The following SPHKAP variants were observed in gnomAD, a reference collection of about 807,000 sequenced individuals.
The protein encoded by SPHKAP is A-kinase anchor protein SPHKAP.
In SPHKAP, 67 loss-of-function variants were observed where a neutral mutation model predicts 137.5. The ratio of observed to expected loss-of-function variants is 0.49; its 90% CI spans 0.40 to 0.60. The LOEUF is 0.60. Among genes scored for constraint, SPHKAP ranks in the 20% least tolerant of loss-of-function variants. The probability of loss-of-function intolerance (pLI) is 0.00; values close to 1 mark genes in which losing one functional copy is unlikely to be tolerated. For synonymous variants in SPHKAP, 813 were observed against 785.3 expected (o/e 1.04, Z -0.59); for missense variants, 2,097 against 2,069.3 (o/e 1.01, Z -0.26).
intron 3 of SPHKAP, among the ~76,000 whole-genome samples, chr2:228,100,624 G>A (rs1309559302): frequency 6.7e-6 from 1 of 149,706 alleles, no homozygotes. Context: ...TTTTAATTCT[G>A]TTTATGTGGT....
At chr2:228,039,286 CT>C (rs1258134022) in intron 3 of SPHKAP, among the ~76,000 whole-genome samples, 1 of 152,196 alleles carries the variant, frequency 6.6e-6, no homozygotes, top group African/African-American at 2.4e-5. Flanking sequence ...CACTCTAATG[CT>C]GCTCTTCTAT....
intron 7 of SPHKAP, among the ~76,000 whole-genome samples, chr2:228,004,421 T>G (rs926972889): frequency 6.6e-6 from 1 of 152,212 alleles, no homozygotes; most frequent in Non-Finnish European, 1.5e-5. Flanking sequence ...CCTTTATCAT[T>G]TTTTATTATG....
At chr2:228,080,707 C>CAAAATAAAAT (rs57442116) in intron 3 of SPHKAP, among the ~76,000 whole-genome samples, 7 of 134,204 alleles carry the variant, frequency 5.2e-5, no homozygotes, top group Non-Finnish European at 7.9e-5. Context: ...AACTCTGTCT[C>CAAAATAAAAT]AAAATAAAAT....
chr2:228,160,140 T>C (rs1018368216), intron 1 of SPHKAP, among the ~76,000 whole-genome samples: 5 of 152,206 alleles, frequency 3.3e-5, no homozygotes, highest in Admixed American at 6.5e-5. Flanking sequence ...TGAGAATTGA[T>C]GCTGTCAGTG....
chr2:227,981,939 C>A, intron 11 of SPHKAP, 79 bp from the exon 12 acceptor site: 1 of 1,500,198 alleles, frequency 6.7e-7, no homozygotes, highest in Non-Finnish European at 8.9e-7. Flanking sequence ...CCTCGCGAAG[C>A]CAATGGCTCT....
intron 2 of SPHKAP, among the ~76,000 whole-genome samples, chr2:228,117,778 G>A (rs1244133949): frequency 1.3e-5 from 2 of 151,104 alleles, no homozygotes; most frequent in African/African-American, 2.4e-5. Flanking sequence ...TTTAGTTAAA[G>A]GTATCCTAAG....
chr2:228,133,644 C>T (rs1699337082), intron 1 of SPHKAP, among the ~76,000 whole-genome samples: 1 of 152,100 alleles, frequency 6.6e-6, no homozygotes, highest in South Asian at 2.1e-4. Flanking sequence ...ATTTTCAATG[C>T]AACATGTAGA....
rs1186675947 is a variant in SPHKAP, at chr2:228,016,632, A to G, written c.4222T>C (p.Cys1408Arg). ...TGGTTTATTGGTACAGGGTCCTGGC[A>G]CGAGGAAGTTTCTTTTTTAGAATCT... is the stretch of plus-strand genomic sequence containing the variant. ...PLDSKKETSS[C>R]QDPVPINHKR... Residue 1408 changes from cysteine to arginine, a missense_variant, in exon 7 of 12, where the codon TGC becomes CGC. Cys to Arg is a radical substitution (Grantham distance 180). Coordinates refer to ENST00000392056, the MANE Select transcript of SPHKAP (RefSeq NM_001142644.2). The G allele has an allele frequency of 6.2e-7, 1 of 1,613,740 alleles. No individual in the cohort carries two copies. Among genetic ancestry groups the G allele is most frequent in the Non-Finnish European group, 8.5e-7 (1 of 1,179,938 alleles).
intron 1 of SPHKAP, among the ~76,000 whole-genome samples, chr2:228,155,647 G>T (rs1444093845): frequency 1.3e-5 from 2 of 152,146 alleles, no homozygotes; most frequent in East Asian, 3.9e-4. Flanking sequence ...GGTTTATGCT[G>T]TTGCCTCATT....
chr2:228,134,532 C>T (rs907672623), intron 1 of SPHKAP, among the ~76,000 whole-genome samples: 16 of 152,222 alleles, frequency 1.1e-4, no homozygotes, highest in Non-Finnish European at 2.1e-4. Context: ...CTGCCACTTA[C>T]TTACCCAAGC....
At chr2:228,149,372 G>A (rs1366583242) in intron 1 of SPHKAP, among the ~76,000 whole-genome samples, 4 of 152,148 alleles carry the variant, frequency 2.6e-5, no homozygotes, top group South Asian at 2.1e-4. Context: ...GTATATAGAA[G>A]CAAGAAGTGA....
chr2:228,163,633 C>T lies in SPHKAP; in HGVS notation c.32+17934G>A, dbSNP rs547657675. Among the ~76,000 whole-genome samples, 17 of 152,244 alleles carry T rather than the reference C, an allele frequency of 1.1e-4. No homozygotes were observed. The East Asian group carries it at 2.9e-3, about 26-fold the overall frequency. ...GTGTTTGCAGGTGTGGGCAGTATTTCCACCTCCCTTGCTATGTGCTGTTGA... is the reference window on the plus strand; with the variant it reads ...GTGTTTGCAGGTGTGGGCAGTATTTTCACCTCCCTTGCTATGTGCTGTTGA... On this transcript the variant is annotated intron_variant, in intron 1 of 11. Coordinates refer to ENST00000392056, the MANE Select transcript of SPHKAP (RefSeq NM_001142644.2).
At chr2:228,100,539 G>T (rs1373008566) in intron 3 of SPHKAP, among the ~76,000 whole-genome samples, 2 of 152,058 alleles carry the variant, frequency 1.3e-5, no homozygotes, top group Non-Finnish European at 1.5e-5. Flanking sequence ...TTTGTTGAGG[G>T]TTTTTATCAG....
At chr2:228,029,623 A>C (rs34284590) in intron 3 of SPHKAP, among the ~76,000 whole-genome samples, 58,475 of 151,974 alleles carry the variant, frequency 0.38, 11,722 homozygotes, top group South Asian at 0.51. Flanking sequence ...AATAGGAAGA[A>C]ATTGGCATGA....
intron 2 of SPHKAP, among the ~76,000 whole-genome samples, chr2:228,116,510 C>A (rs567417795): frequency 6.6e-6 from 1 of 152,106 alleles, no homozygotes; most frequent in African/African-American, 2.4e-5. Flanking sequence ...TCACAAAGAG[C>A]AGCTATTGTT....
rs769703965 is a variant in SPHKAP at position 227,981,560 on chromosome 2, A to T, written c.*157T>A. On this transcript the variant is annotated 3_prime_UTR_variant, in exon 12 of 12. Coordinates refer to ENST00000392056, the MANE Select transcript of SPHKAP (RefSeq NM_001142644.2). ...AGACCTATATTTTGCTTTTCCTCTG[A>T]CTTATTCTGTATGCAGTGGATCTGA... 6.3e-6 allele frequency: 6 copies of T among 953,786 alleles called. No individual in the cohort carries two copies. The Admixed American group carries it at 1.4e-4, about 22-fold the overall frequency. The allele number at this position is 953,786 out of a possible 1,614,324, so 59.1% of individuals were successfully genotyped here.
intron 1 of SPHKAP, among the ~76,000 whole-genome samples, chr2:228,147,655 T>C (rs566997463): frequency 1.3e-5 from 2 of 152,314 alleles, no homozygotes; most frequent in East Asian, 3.9e-4. Flanking sequence ...AGGTTCCTCA[T>C]CTGTGAAATG....
chr2:228,035,035 A>G (rs1212571341), intron 3 of SPHKAP, among the ~76,000 whole-genome samples: 5 of 149,754 alleles, frequency 3.3e-5, no homozygotes, highest in East Asian at 2.0e-4. Context: ...GGCCAGGGCA[A>G]TTAGGCAGGA....
intron 3 of SPHKAP, among the ~76,000 whole-genome samples, chr2:228,066,601 GC>G (rs373861975): frequency 2.0e-5 from 3 of 152,282 alleles, no homozygotes; most frequent in African/African-American, 7.2e-5. Flanking sequence ...AGTCCCCTGA[GC>G]CCCCGGCTGC....
Sources: allele counts gnomAD v4.1 joint callset (sites outside exome capture counted in the v4.1 genomes callset), GRCh38; gene constraint gnomAD v4.1.1; transcripts MANE v1.5; gene names NCBI Gene and HGNC (gene_info 2026-07-23, HGNC 2026-07-21).